SNTG1: variants seen among roughly 807,000 people sequenced by gnomAD.
SNTG1 encodes gamma-1-syntrophin.
SNTG1 carries 39 observed loss-of-function variants against 74.7 expected under a neutral mutation model. The ratio of observed to expected loss-of-function variants is 0.52; its 90% CI spans 0.40 to 0.68. The LOEUF is 0.68. Among genes scored for constraint, SNTG1 ranks in the 30% least tolerant of loss-of-function variants. The pLI is 0.00. For synonymous variants in SNTG1, 254 were observed against 217.1 expected, an observed-to-expected ratio of 1.17 and a Z score of -1.49; for missense variants, 685 against 609.5, an observed-to-expected ratio of 1.12 and a Z score of -1.30.
chr8:50,235,814 G>A lies in SNTG1; in HGVS notation c.-28+63179G>A, dbSNP rs191547711. Among the ~76,000 whole-genome samples, 510 of 151,890 alleles carry A rather than the reference G, an allele frequency of 3.4e-3. 4 individuals carry two copies. The highest frequency in any genetic ancestry group is 0.012 in the African/African-American group (487 of 41,412). On this transcript the variant is annotated intron_variant, in intron 2 of 18. Transcript: ENST00000642720. ...AAAGTATTCAAAATAAATGTACTTC[G>A]GTTTTCTTATTTTCCTCCAAGTAAA... is the stretch of plus-strand genomic sequence containing the variant.
At chr8:50,017,656 A>G (rs1816451035) in intron 1 of SNTG1, among the ~76,000 whole-genome samples, 1 of 151,930 alleles carries the variant, frequency 6.6e-6, no homozygotes, top group African/African-American at 2.4e-5. Context: ...ATAAAATGTT[A>G]TAAGAGTCAA....
At chr8:50,571,921 A>G (rs2094551070) in intron 12 of SNTG1, among the ~76,000 whole-genome samples, 1 of 152,158 alleles carries the variant, frequency 6.6e-6, no homozygotes, top group Admixed American at 6.5e-5. Context: ...GGAGCTTCAA[A>G]GCCAAGGACC....
At chr8:50,721,710 C>T (rs1019728276) in intron 17 of SNTG1, among the ~76,000 whole-genome samples, 2 of 152,156 alleles carry the variant, frequency 1.3e-5, no homozygotes, top group African/African-American at 4.8e-5. Flanking sequence ...GTTGTGATTT[C>T]TACTTCTTAG....
chr8:50,643,053 G>C (rs2095083978), intron 13 of SNTG1, among the ~76,000 whole-genome samples: 1 of 141,468 alleles, frequency 7.1e-6, no homozygotes, highest in South Asian at 2.3e-4. Flanking sequence ...TATTCCTCTT[G>C]GCAAAAAAAC....
At chr8:50,430,977 C>A (rs1352726806) in intron 4 of SNTG1, among the ~76,000 whole-genome samples, 2 of 152,154 alleles carry the variant, frequency 1.3e-5, no homozygotes, top group African/African-American at 4.8e-5. Flanking sequence ...GTTCCTTTAG[C>A]CTTTCATCTT....
intron 17 of SNTG1, among the ~76,000 whole-genome samples, chr8:50,728,046 A>G (rs2095504350): frequency 6.6e-6 from 1 of 152,090 alleles, no homozygotes; most frequent in African/African-American, 2.4e-5. Context: ...AGATGCTCAC[A>G]TTCCCCATTT....
At chr8:50,329,722 G>A (rs906522114) in intron 2 of SNTG1, among the ~76,000 whole-genome samples, 5 of 151,954 alleles carry the variant, frequency 3.3e-5, no homozygotes, top group South Asian at 2.1e-4. Flanking sequence ...ACAAGCCCTC[G>A]AGACATTTTT....
intron 2 of SNTG1, among the ~76,000 whole-genome samples, chr8:50,323,694 A>AC (rs906992763): frequency 9.9e-5 from 15 of 152,068 alleles, no homozygotes; most frequent in Admixed American, 6.5e-5. Flanking sequence ...GTGGTGATGC[A>AC]AGCACCTCTG....
At chr8:50,149,943 A>G (rs1034465446) in intron 1 of SNTG1, among the ~76,000 whole-genome samples, 5 of 152,286 alleles carry the variant, frequency 3.3e-5, no homozygotes, top group South Asian at 2.1e-4. Flanking sequence ...AGTCATTGGT[A>G]GCTTGATGGG....
intron 15 of SNTG1, among the ~76,000 whole-genome samples, chr8:50,680,680 A>G (rs1205901646): frequency 6.6e-6 from 1 of 151,948 alleles, no homozygotes; most frequent in Non-Finnish European, 1.5e-5. Context: ...ATTGTTTTCC[A>G]TTGTTTACCA....
intron 5 of SNTG1, among the ~76,000 whole-genome samples, chr8:50,446,048 C>T (rs966182060): frequency 3.9e-5 from 6 of 152,098 alleles, no homozygotes; most frequent in African/African-American, 9.7e-5. Context: ...AGGTTCAGGG[C>T]GATGGAGGTC....
At chr8:50,033,054 T>C (rs1471770) in intron 1 of SNTG1, among the ~76,000 whole-genome samples, 109,148 of 151,866 alleles carry the variant, frequency 0.72, 42,528 homozygotes, top group East Asian at 0.88. Flanking sequence ...CAAAATAAGA[T>C]GTTATAGATA....
At chr8:50,214,270 AG>A (rs1194278088) in intron 2 of SNTG1, among the ~76,000 whole-genome samples, 1 of 63,288 alleles carries the variant, frequency 1.6e-5, no homozygotes, top group African/African-American at 6.6e-5. Flanking sequence ...GGGTGGGGGG[AG>A]GGGGGAGGGA....
At chr8:50,469,045 A>G (rs2093631163) in intron 8 of SNTG1, among the ~76,000 whole-genome samples, 1 of 152,190 alleles carries the variant, frequency 6.6e-6, no homozygotes, top group African/African-American at 2.4e-5. Context: ...TGAGAAAAGC[A>G]AGATAGTTTA....
At chr8:50,554,688 CAA>C (rs1425822486) in intron 12 of SNTG1, among the ~76,000 whole-genome samples, 1 of 151,630 alleles carries the variant, frequency 6.6e-6, no homozygotes, top group Admixed American at 6.6e-5. Context: ...GACTGAAAAA[CAA>C]AGAAAAAAAT....
At chr8:50,598,034 CGTTT>C (rs540523465) in intron 13 of SNTG1, among the ~76,000 whole-genome samples, 4 of 150,648 alleles carry the variant, frequency 2.7e-5, no homozygotes, top group Non-Finnish European at 4.4e-5. Flanking sequence ...TTTGTTTGTT[CGTTT>C]GTTTGTTTTT....
intron 1 of SNTG1, among the ~76,000 whole-genome samples, chr8:49,944,933 G>A (rs1407605916): frequency 3.9e-5 from 6 of 152,032 alleles, no homozygotes; most frequent in South Asian, 4.2e-4. Flanking sequence ...GACTACATGC[G>A]CCCACCACAA....
At chr8:50,669,657 T>C (rs200155483) in intron 15 of SNTG1, among the ~76,000 whole-genome samples, 86 of 152,104 alleles carry the variant, frequency 5.7e-4, no homozygotes, top group African/African-American at 1.9e-3. Flanking sequence ...TTCCAATCAA[T>C]AGAAAAAGAG....
chr8:50,704,309 A>G (rs2095436151), intron 15 of SNTG1, among the ~76,000 whole-genome samples: 1 of 152,200 alleles, frequency 6.6e-6, no homozygotes, highest in African/African-American at 2.4e-5. Flanking sequence ...TTTGTAGAGT[A>G]ATAAACCAAG....
Sources: gnomAD v4.1 joint callset for allele counts (sites outside exome capture counted in the v4.1 genomes callset) on GRCh38, gnomAD v4.1.1 for gene constraint, MANE v1.5 for transcripts, NCBI Gene and HGNC (gene_info 2026-07-23, HGNC 2026-07-21) for gene names.